The following MSH5 variants were observed in gnomAD, a reference collection of about 807,000 sequenced individuals.
MSH5 encodes mutS homolog 5, also known as mutS protein homolog 5.
In MSH5, 78 loss-of-function variants were observed where a neutral mutation model predicts 107.7. That is an observed-to-expected ratio of 0.72 (90% CI 0.60 to 0.87). MSH5 has a LOEUF of 0.87. Ranked by LOEUF, MSH5 falls within the 40% of genes least tolerant of loss-of-function variation. MSH5 has a pLI of 0.00. For missense variants in MSH5, 889 were observed against 1,046.6 expected (o/e 0.85, Z 2.08); for synonymous variants, 326 against 399.5 (o/e 0.82, Z 2.19).
At position 31,758,429 on chromosome 6, in the gene MSH5, AG is replaced by A; in HGVS notation, c.1144-116del. The A allele has an allele frequency of 6.5e-7, 1 of 1,550,226 alleles. No homozygotes were observed. The highest frequency in any genetic ancestry group is 8.9e-7 in the Non-Finnish European group (1 of 1,128,990). On this transcript the variant is annotated intron_variant, in intron 13 of 24. Coordinates refer to ENST00000375750, the MANE Select transcript of MSH5 (RefSeq NM_172166.4). This position sits in a 1 kb window ranked among gnomAD's most constrained non-coding sequence, Gnocchi z 5.1. ...TGGTGGGAGGAGGCAGCAGAACTTC[AG>A]GGAAGTATCTGGAGGGTGAGAGTTA...
chr6:31,753,337 G>A lies in MSH5; in HGVS notation c.849G>A (p.Glu283=), dbSNP rs2151361783. 6.2e-7 allele frequency: 1 copy of A among 1,614,110 alleles called. No homozygotes were observed. Among genetic ancestry groups the A allele is most frequent in the Non-Finnish European group, 8.5e-7 (1 of 1,179,984 alleles). Residue 283 remains glutamate, a synonymous_variant, in exon 11 of 25, where the codon GAG becomes GAA. Transcript: ENST00000375750. The stretch of plus-strand genomic sequence containing the variant: ...CACGTCCGACTCATGACCTGGGGGA[G>A]CTCAGTTCTCGTCTGGACGTCATTC... The part of the protein sequence containing the change: ...WFTRPTHDLG[E]LSSRLDVIQF...
chr6:31,756,777 A>C (rs1167189637), intron 12 of MSH5: 3 of 151,818 alleles, frequency 2.0e-5, no homozygotes, highest in African/African-American at 7.3e-5. Flanking sequence ...AGTAGCTGGG[A>C]CTATAGGCGT....
chr6:31,753,149 G>A, intron 10 of MSH5, 152 bp from the exon 11 acceptor site: 7 of 907,860 alleles, frequency 7.7e-6, no homozygotes, highest in South Asian at 1.7e-5. Flanking sequence ...CACCTGAATG[G>A]GTAGGACACT....
Position 31,743,145 on chromosome 6 carries a change from CAT to C in MSH5, c.393_394del (p.Leu133AlafsTer30), listed in dbSNP as rs946684905. 1.2e-6 allele frequency: 2 copies of C among 1,612,882 alleles called. No homozygotes were observed. On this transcript the variant is annotated frameshift_variant, in exon 5 of 25. Transcript: ENST00000375750. LOFTEE classifies it high-confidence loss of function. Reference sequence around the variant, plus strand: ...ACAGAGAGCCTAAAAGACCTGAAATCATATTTTTGCCAAGTGTGGATTTTGGT... The same window carrying C: ...ACAGAGAGCCTAAAAGACCTGAAATCATTTTTGCCAAGTGTGGATTTTGGT... ...EHREPKRPEI[I>X]FLPSVDFGLE...
intron 10 of MSH5, among the ~76,000 whole-genome samples, chr6:31,752,563 TACA>T (rs1358186468): frequency 4.0e-5 from 6 of 151,424 alleles, no homozygotes; most frequent in African/African-American, 1.2e-4. Flanking sequence ...CTACTAAAAA[TACA>T]ACAATTAGCT....
In MSH5 at chr6:31,758,438, T is replaced by G; in HGVS notation, c.1144-110T>G. 1.3e-6 allele frequency: 2 copies of G among 1,553,012 alleles called. No individual in the cohort carries two copies. The highest frequency in any genetic ancestry group is 1.8e-6 in the Non-Finnish European group (2 of 1,130,428). ...GAGGCAGCAGAACTTCAGGGAAGTA[T>G]CTGGAGGGTGAGAGTTAAAGGAGGA... On this transcript the variant is annotated intron_variant, in intron 13 of 24. Transcript: ENST00000375750. The surrounding 1 kb of genome is among the most constrained non-coding windows in gnomAD (Gnocchi z 5.1).
intron 10 of MSH5, among the ~76,000 whole-genome samples, chr6:31,751,837 G>A (rs371627868): frequency 6.6e-6 from 1 of 152,060 alleles, no homozygotes; most frequent in Non-Finnish European, 1.5e-5. Flanking sequence ...AGTAGCTCAT[G>A]CCTGTAATTC....
intron 12 of MSH5, among the ~76,000 whole-genome samples, chr6:31,755,190 C>T (rs908410689): frequency 2.0e-5 from 3 of 151,982 alleles, no homozygotes; most frequent in Non-Finnish European, 4.4e-5. Flanking sequence ...CTCACTCTGT[C>T]ACCCAGGCTT....
intron 8 of MSH5, among the ~76,000 whole-genome samples, chr6:31,744,978 G>C (rs900308381): frequency 1.3e-5 from 2 of 151,748 alleles, no homozygotes; most frequent in Admixed American, 1.3e-4. Flanking sequence ...GGTGTGTTGT[G>C]CGCCTGTAAT....
chr6:31,743,191 T>A (rs707915), intron 5 of MSH5, 21 bp downstream of exon 5: 114,665 of 1,610,994 alleles, frequency 0.071, 5,250 homozygotes, highest in African/African-American at 0.21. Context: ...CCTTTTGCTT[T>A]GCCTAACTCC....
In MSH5 at chr6:31,760,764, C is replaced by T. The variant is rs28399982; in HGVS notation, c.1887C>T (p.Asp629=). Reference sequence around the variant, plus strand: ...AGGAGGCCGAAATTGGGGCAGTAGACGCCATCTTCACACGAATTCATAGCT... The same window carrying T: ...AGGAGGCCGAAATTGGGGCAGTAGATGCCATCTTCACACGAATTCATAGCT... The part of the protein sequence containing the change: ...PAEEAEIGAV[D]AIFTRIHSCE... The change falls in exon 20 of 25, where the codon GAC becomes GAT. Residue 629 remains aspartate, a synonymous_variant. Transcript: ENST00000375750. The surrounding 1 kb of genome is among the most constrained non-coding windows in gnomAD (Gnocchi z 5.6). 5.1e-5 allele frequency: 82 copies of T among 1,613,006 alleles called. No homozygotes were observed. The highest frequency in any genetic ancestry group is 2.9e-4 in the East Asian group (13 of 44,882).
At chr6:31,752,748 C>CATT (rs9281573) in intron 10 of MSH5, among the ~76,000 whole-genome samples, 83,060 of 150,316 alleles carry the variant, frequency 0.55, 25,627 homozygotes, top group African/African-American at 0.85. Context: ...AAGAATAAGA[C>CATT]GTTGTTGAAG....
chr6:31,760,928 C>A lies in MSH5; in HGVS notation c.1962+89C>A. On this transcript the variant is annotated intron_variant, in intron 20 of 24. Transcript: ENST00000375750. The surrounding 1 kb of genome is among the most constrained non-coding windows in gnomAD (Gnocchi z 5.6). The stretch of plus-strand genomic sequence containing the variant: ...TGCTCATAACAGGAAAGCATGCCCT[C>A]TGCTGCATGCCCTTTATACTAAAAG... 1 of 1,399,856 alleles carries A rather than the reference C, an allele frequency of 7.1e-7. No individual in the cohort carries two copies. The allele number at this position is 1,399,856 out of a possible 1,614,324, so 86.7% of individuals were successfully genotyped here.
rs1802127 is a variant in MSH5 at position 31,762,148 on chromosome 6, C to T, written c.2356C>T (p.Pro786Ser). Reference sequence around the variant, plus strand: ...GATCCGCAGTGGAAAACCCATCAAGCCTGTCAAGGATTTGCTAAAGAAGAA... The same window carrying T: ...GATCCGCAGTGGAAAACCCATCAAGTCTGTCAAGGATTTGCTAAAGAAGAA... ...DLIRSGKPIK[P>S]VKDLLKKNQM... The change falls in exon 24 of 25, where the codon CCT (proline) becomes TCT (serine). Residue 786 changes from proline to serine, a missense_variant. By Grantham distance (74) the Pro-to-Ser change is moderately conservative. This residue lies in a region of MSH5 where 362 missense variants were observed against 456.2 expected (regional missense o/e 0.79). Coordinates refer to ENST00000375750, the MANE Select transcript of MSH5 (RefSeq NM_172166.4). The T allele has an allele frequency of 0.023, 37,661 of 1,614,030 alleles. 1,098 individuals are homozygous for T. The highest frequency in any genetic ancestry group is 0.12 in the African/African-American group (8,648 of 74,974).
chr6:31,762,454 G>C lies in MSH5; in HGVS notation c.2428G>C (p.Asp810His). The part of the protein sequence containing the change: ...QTLVDKFMKL[D>H]LEDPNLDLNV... ...ATTAGTGGATAAGTTTATGAAACTG[G>C]ATTTGGAAGATCCTAACCTGGACTT... The change falls in exon 25 of 25, where the codon GAT (aspartate) becomes CAT (histidine). Residue 810 changes from aspartate to histidine, a missense_variant. Physicochemically the swap from Asp to His is moderately conservative, Grantham distance 81. This residue lies in a region of MSH5 where 362 missense variants were observed against 456.2 expected (regional missense o/e 0.79). Coordinates refer to ENST00000375750, the MANE Select transcript of MSH5 (RefSeq NM_172166.4). The C allele has an allele frequency of 6.2e-7, 1 of 1,613,936 alleles. No homozygotes were observed. Among genetic ancestry groups the C allele is most frequent in the Non-Finnish European group, 8.5e-7 (1 of 1,179,916 alleles).
chr6:31,760,312 AT>A lies in MSH5; in HGVS notation c.1812+100del. Reference sequence around the variant, plus strand: ...CTCAGGCTCCTGCAGCTCTTCTCCCATTTTCTGACCCCGCTCTTCATGAAAG... The same window carrying A: ...CTCAGGCTCCTGCAGCTCTTCTCCCATTTCTGACCCCGCTCTTCATGAAAG... On this transcript the variant is annotated intron_variant, in intron 19 of 24. Transcript: ENST00000375750. This position sits in a 1 kb window ranked among gnomAD's most constrained non-coding sequence, Gnocchi z 5.6. 1 of 1,461,948 alleles carries A rather than the reference AT, an allele frequency of 6.8e-7. No homozygotes were observed. The allele number at this position is 1,461,948 out of a possible 1,614,324, so 90.6% of individuals were successfully genotyped here. A position where few individuals can be genotyped will look rare whatever the true frequency, so the allele number is the denominator to read the frequency against.
At chr6:31,747,502 C>T in intron 10 of MSH5, 70 bp downstream of exon 10, 1 of 1,519,652 alleles carries the variant, frequency 6.6e-7, no homozygotes, top group Non-Finnish European at 9.1e-7. Flanking sequence ...CTAAAGCCTA[C>T]TAATGGCAGT....
At chr6:31,757,303 C>T (rs1489883874) in intron 12 of MSH5, 1 of 152,164 alleles carries the variant, frequency 6.6e-6, no homozygotes, top group Non-Finnish European at 1.5e-5. Flanking sequence ...CGCCACCACG[C>T]CTGGCTAATT....
At position 31,760,023 on chromosome 6, in the gene MSH5, T is replaced by C. The variant is rs768699248; in HGVS notation, c.1685+48T>C. The C allele has an allele frequency of 1.2e-6, 2 of 1,611,508 alleles. No homozygotes were observed. Among genetic ancestry groups the C allele is most frequent in the African/African-American group, 2.7e-5 (2 of 74,794 alleles). On this transcript the variant is annotated intron_variant, in intron 18 of 24. Coordinates refer to ENST00000375750, the MANE Select transcript of MSH5 (RefSeq NM_172166.4). This position sits in a 1 kb window ranked among gnomAD's most constrained non-coding sequence, Gnocchi z 5.6. ...GAATAGACATGAGGGGCCCAAAGGC[T>C]ACATCTTCTGGGGGTTCATCTATCT...
Sources: allele counts gnomAD v4.1 joint callset (sites outside exome capture counted in the v4.1 genomes callset), GRCh38; gene constraint gnomAD v4.1.1; regional missense constraint gnomAD v4.1.1; non-coding constraint Gnocchi (gnomAD v3.1); transcripts MANE v1.5; gene names NCBI Gene and HGNC (gene_info 2026-07-23, HGNC 2026-07-21).